The following BIRC5 variants were observed in gnomAD, a reference collection of about 807,000 sequenced individuals.
The protein encoded by BIRC5 is baculoviral IAP repeat-containing protein 5.
Under a neutral mutation model 15.8 loss-of-function variants are expected in BIRC5, and 8 were observed. That is an observed-to-expected ratio of 0.51 (90% CI 0.30 to 0.91). BIRC5 has a LOEUF of 0.91. BIRC5 is among the 40% of genes least tolerant of loss of function. BIRC5 has a pLI of 0.07. For missense variants in BIRC5, 163 were observed against 178.6 expected, an observed-to-expected ratio of 0.91 and a Z score of 0.50; for synonymous variants, 56 against 64.5, an observed-to-expected ratio of 0.87 and a Z score of 0.63.
intron 3 of BIRC5, chr17:78,222,915 C>G (rs780824849): frequency 2.7e-5 from 41 of 1,534,694 alleles, no homozygotes; most frequent in Non-Finnish European, 3.6e-5. Flanking sequence ...GAGGAAGAGC[C>G]TGATGTTTGC....
At chr17:78,215,972 G>T in intron 2 of BIRC5, 1 of 1,065,036 alleles carries the variant, frequency 9.4e-7, no homozygotes, top group Non-Finnish European at 1.2e-6. Flanking sequence ...ACAGTGGGCC[G>T]GGCACGGTGG....
At chr17:78,218,201 C>T (rs1257085131) in intron 3 of BIRC5, among the ~76,000 whole-genome samples, 2 of 151,932 alleles carry the variant, frequency 1.3e-5, no homozygotes, top group East Asian at 1.9e-4. Context: ...ATAAGTAAAT[C>T]CCACATTTTG....
chr17:78,219,209 G>C (rs923612472), intron 3 of BIRC5, among the ~76,000 whole-genome samples: 1 of 152,112 alleles, frequency 6.6e-6, no homozygotes, highest in Non-Finnish European at 1.5e-5. Context: ...ATTTGAGACA[G>C]AGTGTCACTC....
chr17:78,224,580 T>C lies in BIRC5; in HGVS notation c.*1026T>C, dbSNP rs1385346862. On this transcript the variant is annotated 3_prime_UTR_variant, in exon 4 of 4. Coordinates refer to ENST00000350051, the MANE Select transcript of BIRC5 (RefSeq NM_001168.3). ...AGGGCTGAAGTCTGGCGTAAGATGA[T>C]GGATTTGATTCGCCCTCCTCCCTGT... The C allele has an allele frequency of 6.6e-6, 1 of 152,186 alleles. No homozygotes were observed. Among genetic ancestry groups the C allele is most frequent in the African/African-American group, 2.4e-5 (1 of 41,442 alleles). 9.4% of individuals were successfully genotyped at this position (152,186 alleles called of 1,614,324 possible). A position where few individuals can be genotyped will look rare whatever the true frequency, so the allele number is the denominator to read the frequency against.
rs373880047 is a variant in BIRC5, at chr17:78,214,307, C to T, written c.-10C>T. ...TCGCGGGACCCGTTGGCAGAGGTGGCGGCGGCGGCATGGGTGCCCCGACGT... is the reference window on the plus strand; with the variant it reads ...TCGCGGGACCCGTTGGCAGAGGTGGTGGCGGCGGCATGGGTGCCCCGACGT... On this transcript the variant is annotated 5_prime_UTR_variant, in exon 1 of 4. Transcript: ENST00000350051. 9 of 1,592,752 alleles carry T rather than the reference C, an allele frequency of 5.7e-6. No homozygotes were observed. In the Admixed American group the frequency reaches 8.7e-5, roughly 15 times the overall value.
intron 3 of BIRC5, among the ~76,000 whole-genome samples, chr17:78,217,523 G>T (rs1379963118): frequency 6.6e-6 from 1 of 151,034 alleles, no homozygotes; most frequent in Non-Finnish European, 1.5e-5. Flanking sequence ...TTGAGATGGA[G>T]TCTTGCTCTG....
chr17:78,214,612 G>A, intron 1 of BIRC5, 68 bp from the exon 2 acceptor site: 1 of 1,443,602 alleles, frequency 6.9e-7, no homozygotes, highest in East Asian at 2.5e-5. Context: ...CCCCATCGAG[G>A]CCTTTGTGGC....
intron 3 of BIRC5, among the ~76,000 whole-genome samples, chr17:78,219,958 AAGAC>A (rs1365989346): frequency 2.6e-5 from 4 of 152,172 alleles, no homozygotes; most frequent in African/African-American, 4.8e-5. Flanking sequence ...AGCGCTGAGA[AAGAC>A]AGAGGGTTTT....
At chr17:78,217,283 T>G (rs1275791813) in intron 3 of BIRC5, among the ~76,000 whole-genome samples, 1 of 150,476 alleles carries the variant, frequency 6.6e-6, no homozygotes, top group Non-Finnish European at 1.5e-5. Context: ...TCAAGTGATT[T>G]GCCTGCTTCA....
chr17:78,220,661 A>G (rs1157477866), intron 3 of BIRC5, among the ~76,000 whole-genome samples: 2 of 152,210 alleles, frequency 1.3e-5, no homozygotes, highest in Non-Finnish European at 2.9e-5. Flanking sequence ...TCCCCAATTC[A>G]GAATACAGAA....
intron 3 of BIRC5, among the ~76,000 whole-genome samples, chr17:78,218,737 G>C (rs746785909): frequency 2.0e-5 from 3 of 151,940 alleles, no homozygotes; most frequent in Admixed American, 6.6e-5. Context: ...TGAGTAGCTG[G>C]GACTACAGGT....
Position 78,214,274 on chromosome 17 carries a change from G to A in BIRC5, c.-43G>A. 1.3e-6 allele frequency: 2 copies of A among 1,558,084 alleles called. No individual in the cohort carries two copies. The highest frequency in any genetic ancestry group is 2.3e-5 in the South Asian group (2 of 86,886). On this transcript the variant is annotated 5_prime_UTR_variant, in exon 1 of 4. Transcript: ENST00000350051. The stretch of plus-strand genomic sequence containing the variant: ...CCCCGCGGCGCGCCATTAACCGCCA[G>A]ATTTGAATCGCGGGACCCGTTGGCA...
In BIRC5 at chr17:78,223,735, T is replaced by TCTGCCTGTGCAGCGGGTGCTG. The variant is rs2076530671; in HGVS notation, c.*185_*205dup. On this transcript the variant is annotated 3_prime_UTR_variant, in exon 4 of 4. Transcript: ENST00000350051. ...TCTTGAAAGTGGCACCAGAGGTGCT[T>TCTGCCTGTGCAGCGGGTGCTG]CTGCCTGTGCAGCGGGTGCTGCTGG... The TCTGCCTGTGCAGCGGGTGCTG allele has an allele frequency of 7.5e-7, 1 of 1,335,992 alleles. No homozygotes were observed. The highest frequency in any genetic ancestry group is 9.8e-7 in the Non-Finnish European group (1 of 1,016,484). The allele number at this position is 1,335,992 out of a possible 1,614,324, so 82.8% of individuals were successfully genotyped here. A position where few individuals can be genotyped will look rare whatever the true frequency, so the allele number is the denominator to read the frequency against.
intron 1 of BIRC5, 21 bp from the exon 2 acceptor site, chr17:78,214,659 G>A: frequency 2.5e-6 from 4 of 1,573,380 alleles, no homozygotes; most frequent in Admixed American, 1.8e-5. Context: ...GTCCACTCAC[G>A]AGCTGTGCTG....
At chr17:78,221,288 G>A (rs767532813) in intron 3 of BIRC5, among the ~76,000 whole-genome samples, 3 of 152,146 alleles carry the variant, frequency 2.0e-5, no homozygotes, top group African/African-American at 4.8e-5. Flanking sequence ...GTCTTGCTCT[G>A]TTGCTCAGGC....
chr17:78,215,741 ATTC>A (rs1000353713), intron 2 of BIRC5, among the ~76,000 whole-genome samples: 8 of 152,314 alleles, frequency 5.3e-5, no homozygotes, highest in African/African-American at 1.4e-4. Flanking sequence ...GATCAGTGGT[ATTC>A]TTCTTGAAAA....
rs1472743170 is a variant in BIRC5 at position 78,223,444 on chromosome 17, G to C, written c.340-21G>C. ...TGGGAAGCTCTGGTTTCAGTGTCAT[G>C]TGTCTATTCTTTATTTCCAGGCAAA... On this transcript the variant is annotated intron_variant, in intron 3 of 3. Transcript: ENST00000350051. The C allele has an allele frequency of 4.5e-6, 7 of 1,568,046 alleles. No homozygotes were observed. The East Asian group carries it at 1.6e-4, about 36-fold the overall frequency.
In BIRC5 at chr17:78,223,492, G is replaced by T; in HGVS notation, c.367G>T (p.Glu123Ter). ...AAAGGAAACCAACAATAAGAAGAAA[G>T]AATTTGAGGAAACTGCGGAGAAAGT... ...IAKETNNKKK[E>*]FEETAEKVRR... Residue 123 changes from glutamate (E) to a stop codon, truncating the protein, a stop_gained, in exon 4 of 4, where the codon GAA becomes TAA. Coordinates refer to ENST00000350051, the MANE Select transcript of BIRC5 (RefSeq NM_001168.3). LOFTEE classifies it high-confidence loss of function. 6.2e-7 allele frequency: 1 copy of T among 1,605,006 alleles called. No homozygotes were observed. Among genetic ancestry groups the T allele is most frequent in the Admixed American group, 1.7e-5 (1 of 58,162 alleles).
chr17:78,223,058 C>G, intron 3 of BIRC5: 3 of 574,416 alleles, frequency 5.2e-6, no homozygotes, highest in Non-Finnish European at 6.6e-6. Flanking sequence ...AGCTGGGGTG[C>G]CCAGACTAGC....
Sources: allele counts gnomAD v4.1 joint callset (sites outside exome capture counted in the v4.1 genomes callset), GRCh38; gene constraint gnomAD v4.1.1; transcripts MANE v1.5; gene names NCBI Gene and HGNC (gene_info 2026-07-23, HGNC 2026-07-21).